Variants in MAP6 observed in about 807,000 individuals in gnomAD.
The protein encoded by MAP6 is microtubule associated protein 6, also known as microtubule-associated protein 6.
A neutral mutation model predicts 42.4 loss-of-function variants in MAP6; 26 were observed. The observed-to-expected ratio is 0.61, with a 90% confidence interval of 0.45 to 0.85. MAP6 has a LOEUF of 0.85. Ranked by LOEUF, MAP6 falls within the 40% of genes least tolerant of loss-of-function variation. The pLI is 0.00. For synonymous variants in MAP6, 418 were observed against 443.8 expected (o/e 0.94, Z 0.73); for missense variants, 966 against 1,099.0 (o/e 0.88, Z 1.71).
At chr11:75,638,698 T>C (rs899261144) in intron 1 of MAP6, 5 of 152,180 alleles carry the variant, frequency 3.3e-5, no homozygotes, top group African/African-American at 1.2e-4. Flanking sequence ...ACTTATATAT[T>C]GTTGCTGGAA....
intron 3 of MAP6, chr11:75,594,691 T>G (rs1942546996): frequency 6.6e-6 from 1 of 152,160 alleles, no homozygotes; most frequent in Non-Finnish European, 1.5e-5. Context: ...TGGTGTAGCT[T>G]CTTCTCTTTA....
In MAP6 at chr11:75,646,765, A is replaced by C. The variant is rs571919432; in HGVS notation, c.905+20700T>G. Among the ~76,000 whole-genome samples, 3 of 152,206 alleles carry C rather than the reference A, an allele frequency of 2.0e-5. No homozygotes were observed. In the East Asian group the frequency reaches 5.8e-4, roughly 29 times the overall value. ...AGGTGAGCCGAGATGGCACCACTGC[A>C]CTCCAGCGTGCGCAACAAGAGCAAA... is the stretch of plus-strand genomic sequence containing the variant. On this transcript the variant is annotated intron_variant, in intron 1 of 3. Transcript: ENST00000304771.
At chr11:75,625,170 T>C (rs1287818308) in intron 1 of MAP6, among the ~76,000 whole-genome samples, 2 of 152,062 alleles carry the variant, frequency 1.3e-5, no homozygotes, top group Admixed American at 1.3e-4. Flanking sequence ...CCAGCATTCA[T>C]AAGAAGATCA....
intron 1 of MAP6, among the ~76,000 whole-genome samples, chr11:75,623,403 T>A (rs1943143827): frequency 6.6e-6 from 1 of 152,206 alleles, no homozygotes; most frequent in African/African-American, 2.4e-5. Flanking sequence ...AAATATACAC[T>A]TAAAAGGGGT....
At chr11:75,635,944 C>T (rs1372054749) in intron 1 of MAP6, 1 of 152,350 alleles carries the variant, frequency 6.6e-6, no homozygotes, top group African/African-American at 2.4e-5. Context: ...ATGTTTTACC[C>T]TTTAGATCCT....
intron 2 of MAP6, among the ~76,000 whole-genome samples, chr11:75,606,291 A>G (rs1942773675): frequency 6.6e-6 from 1 of 152,140 alleles, no homozygotes; most frequent in Admixed American, 6.5e-5. Context: ...CTGTTGGGCA[A>G]TATTTGAGCC....
chr11:75,598,205 T>C (rs1361158113), intron 3 of MAP6, among the ~76,000 whole-genome samples: 1 of 152,228 alleles, frequency 6.6e-6, no homozygotes, highest in African/African-American at 2.4e-5. Flanking sequence ...TTTGTATTAT[T>C]GTTATCTATT....
In MAP6 at chr11:75,587,247, T is replaced by C. The variant is rs1470288192; in HGVS notation, c.2254A>G (p.Ile752Val). The change falls in exon 4 of 4, where the codon ATA (isoleucine) becomes GTA (valine). Residue 752 changes from isoleucine (I) to valine (V), a missense_variant. By Grantham distance (29) the Ile-to-Val change is conservative. Transcript: ENST00000304771. Reference sequence around the variant, plus strand: ...TGATCCTTCAGAGGCACTGGGACTATAGGAACTTGATTCTTCAGAGGTTCA... The same window carrying C: ...TGATCCTTCAGAGGCACTGGGACTACAGGAACTTGATTCTTCAGAGGTTCA... ...VPEPLKNQVP[I>V]VPVPLKDQDP... is the part of the protein sequence containing the mutation. The C allele has an allele frequency of 1.9e-6, 3 of 1,614,126 alleles. No homozygotes were observed. Among genetic ancestry groups the C allele is most frequent in the African/African-American group, 1.3e-5 (1 of 75,002 alleles).
intron 1 of MAP6, among the ~76,000 whole-genome samples, chr11:75,611,273 G>A (rs1029825716): frequency 5.9e-5 from 9 of 152,328 alleles, no homozygotes; most frequent in South Asian, 2.1e-4. Flanking sequence ...ATTCTCTGTC[G>A]CACCCCTGCC....
intron 1 of MAP6, among the ~76,000 whole-genome samples, chr11:75,619,137 G>C (rs969615319): frequency 6.6e-6 from 1 of 152,164 alleles, no homozygotes; most frequent in East Asian, 1.9e-4. Context: ...ATGTGTGAGT[G>C]TGTGAGTGAG....
rs920793419 is a variant in MAP6, at chr11:75,668,853, T to C, written c.-484A>G. The C allele has an allele frequency of 1.7e-4, 27 of 160,470 alleles. No homozygotes were observed. The highest frequency in any genetic ancestry group is 6.0e-4 in the African/African-American group (25 of 41,614). The allele number at this position is 160,470 out of a possible 1,614,324, so 9.9% of individuals were successfully genotyped here. ...AGTGCAGCCGGCCACCTAGCAGGGCTGGGAGGCCATCACCTCCAGCGGAGA... is the reference window on the plus strand; with the variant it reads ...AGTGCAGCCGGCCACCTAGCAGGGCCGGGAGGCCATCACCTCCAGCGGAGA... On this transcript the variant is annotated 5_prime_UTR_variant, in exon 1 of 4. Coordinates refer to ENST00000304771, the MANE Select transcript of MAP6 (RefSeq NM_033063.2).
At chr11:75,658,430 C>T (rs1293317306) in intron 1 of MAP6, among the ~76,000 whole-genome samples, 1 of 152,070 alleles carries the variant, frequency 6.6e-6, no homozygotes, top group African/African-American at 2.4e-5. Flanking sequence ...AACATGAACC[C>T]TAGAAACATC....
chr11:75,589,637 C>A (rs1049387526), intron 3 of MAP6, among the ~76,000 whole-genome samples: 1 of 152,198 alleles, frequency 6.6e-6, no homozygotes, highest in Non-Finnish European at 1.5e-5. Flanking sequence ...CTCCTGGATC[C>A]TGTGCTCTTT....
chr11:75,592,218 T>A (rs1006868720), intron 3 of MAP6, among the ~76,000 whole-genome samples: 1 of 152,154 alleles, frequency 6.6e-6, no homozygotes, highest in Non-Finnish European at 1.5e-5. Context: ...TAGTTTCGTT[T>A]GCATCCCTGC....
Position 75,606,018 on chromosome 11 carries a change from C to T in MAP6, c.1120-14G>A, listed in dbSNP as rs748201429. The T allele has an allele frequency of 1.9e-6, 3 of 1,611,640 alleles. No homozygotes were observed. Among genetic ancestry groups the T allele is most frequent in the South Asian group, 2.2e-5 (2 of 90,926 alleles). ...AGGTTTTTCCACCTGTACGGAGAGA[C>T]AGACCGCAAATACAGAAACACAAAA... On this transcript the variant is annotated splice_polypyrimidine_tract_variant and intron_variant, in intron 2 of 3. Coordinates refer to ENST00000304771, the MANE Select transcript of MAP6 (RefSeq NM_033063.2).
chr11:75,660,831 C>T (rs939461622), intron 1 of MAP6, among the ~76,000 whole-genome samples: 8 of 151,820 alleles, frequency 5.3e-5, no homozygotes, highest in African/African-American at 1.9e-4. Flanking sequence ...TGACCTATGC[C>T]TACCTCTCAG....
intron 3 of MAP6, chr11:75,602,710 A>G: frequency 1.8e-6 from 1 of 549,624 alleles, no homozygotes; most frequent in South Asian, 7.9e-5. Context: ...ATAGTATCTG[A>G]GAGGCAATCT....
At chr11:75,659,880 A>G (rs1278302599) in intron 1 of MAP6, among the ~76,000 whole-genome samples, 4 of 152,196 alleles carry the variant, frequency 2.6e-5, no homozygotes, top group Non-Finnish European at 5.9e-5. Context: ...TTTGAAGTTC[A>G]TATATGCATT....
intron 1 of MAP6, among the ~76,000 whole-genome samples, chr11:75,666,237 G>A (rs1943943826): frequency 6.6e-6 from 1 of 152,092 alleles, no homozygotes; most frequent in African/African-American, 2.4e-5. Context: ...CATGTCCAGA[G>A]TCAACTGTGT....
Sources: allele counts gnomAD v4.1 joint callset (sites outside exome capture counted in the v4.1 genomes callset), GRCh38; gene constraint gnomAD v4.1.1; transcripts MANE v1.5; gene names NCBI Gene and HGNC (gene_info 2026-07-23, HGNC 2026-07-21).